DENND1A: variants seen among roughly 807,000 people sequenced by gnomAD.
The protein encoded by DENND1A is DENN domain-containing protein 1A.
DENND1A carries 51 observed loss-of-function variants against 113.7 expected under a neutral mutation model. The ratio of observed to expected loss-of-function variants is 0.45; its 90% CI spans 0.36 to 0.57. The LOEUF (loss-of-function observed/expected upper bound fraction) is 0.57. Among genes scored for constraint, DENND1A ranks in the 20% least tolerant of loss-of-function variants. The pLI, the probability that DENND1A is intolerant of heterozygous loss-of-function variation, is 0.00. For synonymous variants in DENND1A, 565 were observed against 570.8 expected (o/e 0.99, Z 0.14); for missense variants, 1,258 against 1,395.9 (o/e 0.90, Z 1.57).
intron 19 of DENND1A, among the ~76,000 whole-genome samples, chr9:123,420,151 G>A (rs886585982): frequency 1.3e-5 from 2 of 152,198 alleles, no homozygotes; most frequent in East Asian, 3.8e-4. Context: ...ACTCACACAG[G>A]GCAACAAGGA....
chr9:123,486,766 TC>T (rs1175998386), intron 13 of DENND1A, among the ~76,000 whole-genome samples: 1 of 152,078 alleles, frequency 6.6e-6, no homozygotes, highest in Non-Finnish European at 1.5e-5. Context: ...CCTTCCATGG[TC>T]CCCCAACCTT....
At chr9:123,719,153 T>C (rs960021067) in intron 5 of DENND1A, among the ~76,000 whole-genome samples, 3 of 152,200 alleles carry the variant, frequency 2.0e-5, no homozygotes, top group African/African-American at 7.2e-5. Context: ...TCTTTAAAAA[T>C]TACCCAGTCT....
intron 12 of DENND1A, among the ~76,000 whole-genome samples, chr9:123,579,953 A>G (rs147757599): frequency 2.0e-5 from 3 of 152,188 alleles, no homozygotes; most frequent in African/African-American, 7.2e-5. Flanking sequence ...CCCTGTTACA[A>G]ACCAGCTTGC....
intron 13 of DENND1A, among the ~76,000 whole-genome samples, chr9:123,546,515 G>A (rs2056707928): frequency 1.3e-5 from 2 of 151,784 alleles, no homozygotes; most frequent in South Asian, 2.1e-4. Flanking sequence ...TCGCACCACT[G>A]CACTCCAGCC....
At chr9:123,701,194 G>A (rs893786088) in intron 5 of DENND1A, among the ~76,000 whole-genome samples, 9 of 152,148 alleles carry the variant, frequency 5.9e-5, no homozygotes, top group African/African-American at 2.2e-4. Flanking sequence ...ATAGAAGGTA[G>A]AGCAAAATGG....
At chr9:123,923,008 C>G (rs535696648) in intron 1 of DENND1A, among the ~76,000 whole-genome samples, 2 of 152,262 alleles carry the variant, frequency 1.3e-5, no homozygotes, top group Admixed American at 6.5e-5. Flanking sequence ...CCTTGTTTAT[C>G]TTTCCATGTC....
chr9:123,612,070 C>G (rs982829361), intron 10 of DENND1A, among the ~76,000 whole-genome samples: 5 of 152,216 alleles, frequency 3.3e-5, no homozygotes, highest in Non-Finnish European at 7.4e-5. Flanking sequence ...CACATTTATT[C>G]TGAAATCATA....
In DENND1A at chr9:123,381,721, G is replaced by A; in HGVS notation, c.2924C>T (p.Pro975Leu). 15 of 1,534,124 alleles carry A rather than the reference G, an allele frequency of 9.8e-6. No homozygotes were observed. The highest frequency in any genetic ancestry group is 1.3e-5 in the Non-Finnish European group (15 of 1,139,622). Residue 975 changes from proline to leucine, a missense_variant, in exon 24 of 24, where the codon CCA (proline) becomes CTA (leucine). Pro to Leu is a moderately conservative substitution (Grantham distance 98). Coordinates refer to ENST00000394215, the MANE Select transcript of DENND1A (RefSeq NM_001352964.2). The surrounding 1 kb of genome is among the most constrained non-coding windows in gnomAD (Gnocchi z 4.7). The stretch of plus-strand genomic sequence containing the variant: ...TCGGATCCTCGACGGGGCAACTGCT[G>A]GGGGACCCAGCGGCTGTAGGGGGCT... ...HTSPLQPLGP[P>L]AVAPSRIRTL...
rs374512787 is a variant in DENND1A, at chr9:123,818,125, C to G, written c.89-25495G>C. Among the ~76,000 whole-genome samples the G allele has an allele frequency of 6.6e-5, 10 of 152,124 alleles. No individual in the cohort carries two copies. In the East Asian group the frequency reaches 1.9e-3, roughly 29 times the overall value. On this transcript the variant is annotated intron_variant, in intron 2 of 23. Transcript: ENST00000394215. ...TTTTTCGTTTTGTTTTGTTTTGAGA[C>G]AGAGTCTCGCTGTCGCCCAGGCTGG...
chr9:123,392,360 G>A (rs1211086030), intron 21 of DENND1A, among the ~76,000 whole-genome samples: 5 of 152,274 alleles, frequency 3.3e-5, no homozygotes, highest in South Asian at 2.1e-4. Context: ...AGATAAAGAC[G>A]GGGAAAAATC....
At chr9:123,464,477 C>G (rs1213400447) in intron 13 of DENND1A, among the ~76,000 whole-genome samples, 1 of 152,126 alleles carries the variant, frequency 6.6e-6, no homozygotes, top group Non-Finnish European at 1.5e-5. Context: ...TGAAATAAGC[C>G]AGTCGCAAAT....
intron 19 of DENND1A, among the ~76,000 whole-genome samples, chr9:123,417,953 G>A (rs184969039): frequency 1.3e-5 from 2 of 152,216 alleles, no homozygotes; most frequent in African/African-American, 4.8e-5. Flanking sequence ...ACAAGAGTGA[G>A]GCTGAATATG....
intron 13 of DENND1A, among the ~76,000 whole-genome samples, chr9:123,528,822 C>T (rs1356541914): frequency 6.6e-6 from 1 of 152,202 alleles, no homozygotes; most frequent in Non-Finnish European, 1.5e-5. Flanking sequence ...CAAAGACACA[C>T]TTCATAGTCC....
At chr9:123,609,718 T>G (rs2060326886) in intron 10 of DENND1A, among the ~76,000 whole-genome samples, 1 of 152,168 alleles carries the variant, frequency 6.6e-6, no homozygotes, top group African/African-American at 2.4e-5. Flanking sequence ...GCATCAACCT[T>G]GATATTAGCC....
At chr9:123,751,773 T>C (rs1211167737) in intron 5 of DENND1A, 1 of 152,194 alleles carries the variant, frequency 6.6e-6, no homozygotes, top group Non-Finnish European at 1.5e-5. Context: ...TCTCACTGCC[T>C]AGAGAGCTGT....
At chr9:123,839,390 G>A (rs759391538) in intron 2 of DENND1A, among the ~76,000 whole-genome samples, 3 of 152,062 alleles carry the variant, frequency 2.0e-5, no homozygotes, top group Non-Finnish European at 2.9e-5. Context: ...ATTCAAAAAC[G>A]CCTTAACAAG....
rs2063758235 is a variant in DENND1A, at chr9:123,671,413, G to C, written c.373-42C>G. 1.9e-6 allele frequency: 3 copies of C among 1,602,868 alleles called. No individual in the cohort carries two copies. In the Admixed American group the frequency reaches 5.1e-5, roughly 27 times the overall value. On this transcript the variant is annotated intron_variant, in intron 6 of 23. Transcript: ENST00000394215. ...GCCTAAGTAACAAAAGCAAGGCTGA[G>C]CCCTTAGTAAGATACCTGCAGGGAG...
chr9:123,590,960 C>G (rs1007044697), intron 11 of DENND1A, among the ~76,000 whole-genome samples: 1 of 152,218 alleles, frequency 6.6e-6, no homozygotes, highest in African/African-American at 2.4e-5. Flanking sequence ...ACATTCTGAT[C>G]TGTGGCTGTG....
intron 12 of DENND1A, among the ~76,000 whole-genome samples, chr9:123,567,694 C>T (rs1371120606): frequency 6.6e-6 from 1 of 152,160 alleles, no homozygotes; most frequent in Non-Finnish European, 1.5e-5. Flanking sequence ...GTGAATGTCT[C>T]ACAATGACTC....
Sources: gnomAD v4.1 joint callset for allele counts (sites outside exome capture counted in the v4.1 genomes callset) on GRCh38, gnomAD v4.1.1 for gene constraint, Gnocchi (gnomAD v3.1) non-coding constraint, MANE v1.5 for transcripts, NCBI Gene and HGNC (gene_info 2026-07-23, HGNC 2026-07-21) for gene names.